Variants in SENP2 observed in about 807,000 individuals in gnomAD.
SENP2 encodes sentrin-specific protease 2.
A neutral mutation model predicts 86.3 loss-of-function variants in SENP2; 16 were observed. The observed-to-expected ratio is 0.19, with a 90% CI of 0.13 to 0.28. The LOEUF (loss-of-function observed/expected upper bound fraction) is 0.28. Among genes scored for constraint, SENP2 ranks in the 10% least tolerant of loss-of-function variants. The pLI is 1.00. For missense variants in SENP2, 552 were observed against 703.0 expected (o/e 0.79, Z 2.43); for synonymous variants, 222 against 238.7 (o/e 0.93, Z 0.64).
intron 16 of SENP2, among the ~76,000 whole-genome samples, chr3:185,627,710 C>CAAGAA: frequency 6.6e-6 from 1 of 152,206 alleles, no homozygotes; most frequent in Middle Eastern, 3.4e-3. Context: ...CGCGCCTGGC[C>CAAGAA]TGTTCTGCTC....
chr3:185,621,735 A>AT (rs1218344129), intron 13 of SENP2, 91 bp from the exon 14 acceptor site: 5 of 753,550 alleles, frequency 6.6e-6, no homozygotes, highest in African/African-American at 5.3e-5. Flanking sequence ...TGGTACATGT[A>AT]TTTTTTAAAA....
intron 4 of SENP2, among the ~76,000 whole-genome samples, chr3:185,600,225 G>T (rs1278933783): frequency 6.6e-6 from 1 of 152,194 alleles, no homozygotes; most frequent in Non-Finnish European, 1.5e-5. Context: ...AAGGATGGTA[G>T]ATTTGTGCCT....
At chr3:185,591,337 A>G (rs1721989574) in intron 2 of SENP2, among the ~76,000 whole-genome samples, 1 of 151,948 alleles carries the variant, frequency 6.6e-6, no homozygotes, top group Non-Finnish European at 1.5e-5. Flanking sequence ...ATCATTCTAC[A>G]AAGAAAAGAT....
rs1712504815 is a variant in SENP2, at chr3:185,632,169, C to CTA, written c.*2327_*2328dup. The CTA allele has an allele frequency of 6.9e-6, 1 of 144,532 alleles. No individual in the cohort carries two copies. Among genetic ancestry groups the CTA allele is most frequent in the African/African-American group, 2.6e-5 (1 of 38,932 alleles). The allele number at this position is 144,532 out of a possible 1,614,324, so 9.0% of individuals were successfully genotyped here. A position where few individuals can be genotyped will look rare whatever the true frequency, so the allele number is the denominator to read the frequency against. On this transcript the variant is annotated 3_prime_UTR_variant, in exon 17 of 17. Coordinates refer to ENST00000296257, the MANE Select transcript of SENP2 (RefSeq NM_021627.3). The stretch of plus-strand genomic sequence containing the variant: ...GTTTAAGTGTTCAGTTGAAAAACAG[C>CTA]TATTGATTTTATTAGTAGCAAATTA...
chr3:185,606,485 G>T lies in SENP2; in HGVS notation c.605G>T (p.Cys202Phe). Residue 202 changes from cysteine to phenylalanine, a missense_variant, in exon 6 of 17, where the codon TGT becomes TTT. This residue lies in a region of SENP2 where 383 missense variants were observed against 427.3 expected (regional missense o/e 0.90). Coordinates refer to ENST00000296257, the MANE Select transcript of SENP2 (RefSeq NM_021627.3). ...GGCAAGGGTCTGAGGCGTCCCCATT[G>T]TACTGTGGAGGAGGTAAGCCTTTTC... Reference protein sequence around the residue: ...ESGKGLRRPHCTVEEGVQKEE... With the variant: ...ESGKGLRRPHFTVEEGVQKEE... The T allele has an allele frequency of 5.6e-6, 9 of 1,593,306 alleles. No individual in the cohort carries two copies. Among genetic ancestry groups the T allele is most frequent in the Non-Finnish European group, 7.7e-6 (9 of 1,174,540 alleles).
At chr3:185,588,330 C>G (rs1721868432) in intron 1 of SENP2, among the ~76,000 whole-genome samples, 1 of 151,844 alleles carries the variant, frequency 6.6e-6, no homozygotes, top group Non-Finnish European at 1.5e-5. Flanking sequence ...CAGGCGTGAG[C>G]CACCGCGCCC....
At chr3:185,621,610 G>A (rs181449055) in intron 13 of SENP2, among the ~76,000 whole-genome samples, 228 of 151,722 alleles carry the variant, frequency 1.5e-3, no homozygotes, top group African/African-American at 5.4e-3. Context: ...GGCTGGTCTC[G>A]AACTCCTGAC....
chr3:185,602,911 C>CTT (rs748676466), intron 5 of SENP2, among the ~76,000 whole-genome samples: 12 of 105,754 alleles, frequency 1.1e-4, no homozygotes, highest in Non-Finnish European at 2.0e-4. Context: ...TTACACGTTA[C>CTT]TTTTTTTTTT....
intron 2 of SENP2, among the ~76,000 whole-genome samples, chr3:185,594,946 ACTC>A (rs1722128939): frequency 6.6e-6 from 1 of 151,526 alleles, no homozygotes; most frequent in South Asian, 2.1e-4. Flanking sequence ...CTGGTCTTGA[ACTC>A]CTGACCTCAA....
intron 16 of SENP2, 123 bp downstream of exon 16, chr3:185,626,516 T>G: frequency 1.6e-6 from 1 of 626,960 alleles, no homozygotes; most frequent in Non-Finnish European, 2.7e-6. Flanking sequence ...CTCACACCTG[T>G]AATCCCAGCA....
At chr3:185,629,050 TACA>T (rs1202484449) in intron 16 of SENP2, among the ~76,000 whole-genome samples, 2 of 152,224 alleles carry the variant, frequency 1.3e-5, no homozygotes, top group African/African-American at 2.4e-5. Flanking sequence ...ATTGGCAATG[TACA>T]ACGCCTGGTA....
Position 185,611,713 on chromosome 3 carries a change from G to T in SENP2, c.785G>T (p.Gly262Val). Residue 262 changes from glycine (G) to valine (V), a missense_variant, in exon 8 of 17, where the codon GGA (glycine) becomes GTA (valine). Gly to Val is a moderately radical substitution (Grantham distance 109). Transcript: ENST00000296257. ...GGCTGGGGGGAAGAGCAAAATCACG[G>T]AGTCAAAACAACTCAGTTTGTTCCA... ...TKGWGEEQNH[G>V]VKTTQFVPKQ... 6.2e-7 allele frequency: 1 copy of T among 1,613,556 alleles called. No individual in the cohort carries two copies. The highest frequency in any genetic ancestry group is 8.5e-7 in the Non-Finnish European group (1 of 1,179,810).
In SENP2 at chr3:185,590,559, A is replaced by C. The variant is rs567709044; in HGVS notation, c.157+390A>C. On this transcript the variant is annotated intron_variant, in intron 2 of 16. Coordinates refer to ENST00000296257, the MANE Select transcript of SENP2 (RefSeq NM_021627.3). ...GCAGGACTGTGTCAGGAAAAAAAAA[A>C]ACAAAAAAACTTAAGTCTCTTTCCT... 4.6e-5 allele frequency among the ~76,000 whole-genome samples: 7 copies of C among 150,584 alleles called. No homozygotes were observed. The East Asian group carries it at 9.8e-4, about 21-fold the overall frequency.
intron 7 of SENP2, among the ~76,000 whole-genome samples, chr3:185,610,929 G>T (rs543050020): frequency 1.2e-4 from 18 of 152,116 alleles, no homozygotes; most frequent in African/African-American, 4.1e-4. Context: ...CTGCACTCCA[G>T]CCTGAGCTAC....
intron 14 of SENP2, among the ~76,000 whole-genome samples, chr3:185,623,290 G>A (rs1711977750): frequency 6.6e-6 from 1 of 151,720 alleles, no homozygotes; most frequent in South Asian, 2.1e-4. Flanking sequence ...AAAGGCTTGT[G>A]CCACCACGCC....
intron 16 of SENP2, among the ~76,000 whole-genome samples, chr3:185,627,674 G>A (rs2148996802): frequency 6.6e-6 from 1 of 152,298 alleles, no homozygotes; most frequent in East Asian, 1.9e-4. Context: ...GCCTCCCAAA[G>A]TGCTGGGATT....
At chr3:185,619,598 A>G (rs931933955) in intron 13 of SENP2, 96 bp downstream of exon 13, 98 of 869,296 alleles carry the variant, frequency 1.1e-4, no homozygotes, top group Middle Eastern at 2.5e-4. Context: ...ATAGAGGCCA[A>G]TAGTATATAT....
At chr3:185,591,393 C>A (rs1228883831) in intron 2 of SENP2, among the ~76,000 whole-genome samples, 1 of 151,838 alleles carries the variant, frequency 6.6e-6, no homozygotes, top group Non-Finnish European at 1.5e-5. Flanking sequence ...GCTCTGTCAC[C>A]CAGGCTGGAG....
intron 10 of SENP2, 24 bp downstream of exon 10, chr3:185,613,432 T>C (rs764630547): frequency 1.4e-5 from 20 of 1,398,920 alleles, no homozygotes; most frequent in Non-Finnish European, 1.7e-5. Flanking sequence ...CTAGTTACAT[T>C]TGATACCTGT....
Sources: allele counts gnomAD v4.1 joint callset (sites outside exome capture counted in the v4.1 genomes callset), GRCh38; gene constraint gnomAD v4.1.1; regional missense constraint gnomAD v4.1.1; transcripts MANE v1.5; gene names NCBI Gene and HGNC (gene_info 2026-07-23, HGNC 2026-07-21).